EDEM1: variants seen among roughly 807,000 people sequenced by gnomAD.
EDEM1 encodes ER degradation enhancing alpha-mannosidase like protein 1, also known as ER degradation-enhancing alpha-mannosidase-like protein 1.
In EDEM1, 67 loss-of-function variants were observed where a neutral mutation model predicts 74.4. The observed-to-expected ratio is 0.90, with a 90% CI of 0.74 to 1.10. The LOEUF (loss-of-function observed/expected upper bound fraction) is 1.10, where lower values mean the gene tolerates loss of function less well. Ranked by LOEUF, EDEM1 falls within the 50% of genes least tolerant of loss-of-function variation. The probability of loss-of-function intolerance (pLI) is 0.00; values close to 1 mark genes in which losing one functional copy is unlikely to be tolerated. For synonymous variants in EDEM1, 382 were observed against 335.9 expected (o/e 1.14, Z -1.50); for missense variants, 926 against 851.6 (o/e 1.09, Z -1.09).
chr3:5,195,318 A>G (rs1369455997), intron 2 of EDEM1, 37 bp downstream of exon 2: 3 of 1,400,264 alleles, frequency 2.1e-6, no homozygotes, highest in African/African-American at 1.4e-5. Context: ...ATGAATTAAG[A>G]TGTTTTAGAG....
intron 4 of EDEM1, 93 bp from the exon 5 acceptor site, chr3:5,202,873 G>T: frequency 8.7e-7 from 1 of 1,153,396 alleles, no homozygotes; most frequent in East Asian, 2.5e-5. Flanking sequence ...GGTAAGCTTG[G>T]TTTATTAGCT....
In EDEM1 at chr3:5,197,739, G is replaced by T. The variant is rs550565169; in HGVS notation, c.583-1853G>T. Among the ~76,000 whole-genome samples the T allele has an allele frequency of 1.1e-3, 168 of 152,334 alleles. 1 individual carries two copies. Among genetic ancestry groups the T allele is most frequent in the African/African-American group, 3.8e-3 (158 of 41,584 alleles). On this transcript the variant is annotated intron_variant, in intron 2 of 11. Coordinates refer to ENST00000256497, the MANE Select transcript of EDEM1 (RefSeq NM_014674.3). ...AGATGTGCTAGGGAAACACTGTGAA[G>T]ATAGCAGTCCCCTGACCATTGGATG... is the stretch of plus-strand genomic sequence containing the variant.
chr3:5,203,133 T>A lies in EDEM1; in HGVS notation c.1026T>A (p.Asn342Lys). ...AVKALWNLRS[N>K]DTGLLGNVVN... Reference sequence around the variant, plus strand: ...AAGCCCTTTGGAACCTCCGGAGCAATGATACAGGATTACTAGGTGTGGCAC... The same window carrying A: ...AAGCCCTTTGGAACCTCCGGAGCAAAGATACAGGATTACTAGGTGTGGCAC... The change falls in exon 5 of 12, where the codon AAT (asparagine) becomes AAA (lysine). Residue 342 changes from asparagine (N) to lysine (K), a missense_variant. Transcript: ENST00000256497. The A allele has an allele frequency of 6.3e-7, 1 of 1,587,020 alleles. No individual in the cohort carries two copies. Among genetic ancestry groups the A allele is most frequent in the Non-Finnish European group, 8.6e-7 (1 of 1,167,976 alleles).
chr3:5,203,185 T>C (rs764447621), intron 5 of EDEM1, 36 bp downstream of exon 5: 9 of 1,493,108 alleles, frequency 6.0e-6, no homozygotes, highest in South Asian at 2.8e-5. Context: ...GACTGCACAC[T>C]GCTTGGTCCC....
chr3:5,214,381 C>T (rs573826697), intron 11 of EDEM1, among the ~76,000 whole-genome samples: 13 of 152,254 alleles, frequency 8.5e-5, no homozygotes, highest in East Asian at 5.8e-4. Flanking sequence ...AGTGCTTTTC[C>T]GTTAATGCCC....
chr3:5,213,357 C>G lies in EDEM1; in HGVS notation c.1719C>G (p.Thr573=). 6.2e-7 allele frequency: 1 copy of G among 1,613,990 alleles called. No individual in the cohort carries two copies. Among genetic ancestry groups the G allele is most frequent in the Non-Finnish European group, 8.5e-7 (1 of 1,179,952 alleles). Residue 573 remains threonine (T), a synonymous_variant, in exon 11 of 12, where the codon ACC becomes ACG. Transcript: ENST00000256497. ...ACAATCCAGTACACAAGTCTGGAAC[C>G]AGATACATGTTCACAACAGAGGGAC... ...DEDNPVHKSG[T]RYMFTTEGHI...
At chr3:5,193,309 C>A (rs531873420) in intron 1 of EDEM1, among the ~76,000 whole-genome samples, 1 of 152,150 alleles carries the variant, frequency 6.6e-6, no homozygotes, top group Non-Finnish European at 1.5e-5. Flanking sequence ...CAGAATTGGG[C>A]GTAAGGATCT....
At position 5,207,101 on chromosome 3, in the gene EDEM1, A is replaced by G. The variant is rs76485534; in HGVS notation, c.1218-52A>G. 3.7e-3 allele frequency: 6,014 copies of G among 1,604,046 alleles called. 18 individuals carry two copies. Among genetic ancestry groups the G allele is most frequent in the Non-Finnish European group, 4.7e-3 (5,486 of 1,175,730 alleles). ...ACCAGCAGCTGCTGGAGAGGTAGAG[A>G]TCTGTCAGTGAGCTTTCTTTTCACC... On this transcript the variant is annotated intron_variant, in intron 6 of 11. Coordinates refer to ENST00000256497, the MANE Select transcript of EDEM1 (RefSeq NM_014674.3).
At chr3:5,201,675 C>T in intron 3 of EDEM1, 78 bp from the exon 4 acceptor site, 1 of 1,554,522 alleles carries the variant, frequency 6.4e-7, no homozygotes, top group South Asian at 1.1e-5. Context: ...TATGAACATA[C>T]TTCTATCTTT....
chr3:5,199,639 C>T lies in EDEM1; in HGVS notation c.630C>T (p.Ile210=). 1 of 1,613,818 alleles carries T rather than the reference C, an allele frequency of 6.2e-7. No homozygotes were observed. Residue 210 remains isoleucine, a synonymous_variant, in exon 3 of 12, where the codon ATC becomes ATT. Coordinates refer to ENST00000256497, the MANE Select transcript of EDEM1 (RefSeq NM_014674.3). ...SEFQKAVKLV[I]NTVSFDKDST... is the part of the protein sequence containing the mutation. ...TCCAGAAAGCCGTCAAGTTAGTGAT[C>T]AACACAGTTTCATTTGACAAAGATT...
At chr3:5,208,058 G>A in intron 7 of EDEM1, 35 bp from the exon 8 acceptor site, 1 of 1,554,168 alleles carries the variant, frequency 6.4e-7, no homozygotes, top group African/African-American at 1.4e-5. Context: ...TCTAGGAATG[G>A]TATCTCAGCC....
chr3:5,216,041 T>C lies in EDEM1; in HGVS notation c.*123T>C. On this transcript the variant is annotated 3_prime_UTR_variant, in exon 12 of 12. Transcript: ENST00000256497. ...CTGTCCATGGTGGTGTAGGAATTTC[T>C]GTGCAACACCTCACCACGTCTGGTT... 2.7e-6 allele frequency: 2 copies of C among 734,558 alleles called. No homozygotes were observed. Among genetic ancestry groups the C allele is most frequent in the Non-Finnish European group, 4.5e-6 (2 of 440,706 alleles). 45.5% of individuals were successfully genotyped at this position (734,558 alleles called of 1,614,324 possible). A position where few individuals can be genotyped will look rare whatever the true frequency, so the allele number is the denominator to read the frequency against.
Position 5,203,099 on chromosome 3 carries a change from G to T in EDEM1, c.992G>T (p.Arg331Leu). 1 of 1,610,040 alleles carries T rather than the reference G, an allele frequency of 6.2e-7. No individual in the cohort carries two copies. ...GDSTFEWVAR[R>L]AVKALWNLRS... ...TCCACATTTGAGTGGGTGGCCAGAC[G>T]AGCAGTGAAAGCCCTTTGGAACCTC... Residue 331 changes from arginine to leucine, a missense_variant, in exon 5 of 12, where the codon CGA becomes CTA. Coordinates refer to ENST00000256497, the MANE Select transcript of EDEM1 (RefSeq NM_014674.3).
chr3:5,215,579 G>C, intron 11 of EDEM1, among the ~76,000 whole-genome samples: 1 of 152,244 alleles, frequency 6.6e-6, no homozygotes, highest in Middle Eastern at 3.4e-3. Context: ...TGCTCCTCAG[G>C]GAACATTGGA....
chr3:5,217,771 T>C lies in EDEM1; in HGVS notation c.*1853T>C, dbSNP rs1322637360. On this transcript the variant is annotated 3_prime_UTR_variant, in exon 12 of 12. Transcript: ENST00000256497. ...ATATATATATATATTTTAAATGTTTTCACTGACTCATTGAAAATGTTAATT... is the reference window on the plus strand; with the variant it reads ...ATATATATATATATTTTAAATGTTTCCACTGACTCATTGAAAATGTTAATT... 6.6e-6 allele frequency: 1 copy of C among 152,216 alleles called. No individual in the cohort carries two copies. The highest frequency in any genetic ancestry group is 1.5e-5 in the Non-Finnish European group (1 of 68,034). The allele number at this position is 152,216 out of a possible 1,614,324, so 9.4% of individuals were successfully genotyped here.
rs773435974 is a variant in EDEM1, at chr3:5,199,709, T to C, written c.686+14T>C. 1.3e-6 allele frequency: 2 copies of C among 1,594,692 alleles called. No individual in the cohort carries two copies. Among genetic ancestry groups the C allele is most frequent in the East Asian group, 4.5e-5 (2 of 44,780 alleles). On this transcript the variant is annotated intron_variant, in intron 3 of 11. Coordinates refer to ENST00000256497, the MANE Select transcript of EDEM1 (RefSeq NM_014674.3). ...GGCCACGATAAGGTAAAATAATGAA[T>C]ATTCATAAAATGAATTGGAGACTTC...
intron 3 of EDEM1, among the ~76,000 whole-genome samples, chr3:5,201,088 A>C (rs1209270602): frequency 6.6e-6 from 1 of 151,674 alleles, no homozygotes; most frequent in Non-Finnish European, 1.5e-5. Context: ...TGTTTTCCCC[A>C]AGTGAAATAA....
Position 5,213,443 on chromosome 3 carries a change from A to AGG in EDEM1, c.1807_1808dup (p.Gly604GlufsTer18). On this transcript the variant is annotated frameshift_variant, in exon 11 of 12. Transcript: ENST00000256497. LOFTEE classifies it high-confidence loss of function. ...CCATGGAAGGAATTCTTCTCTGAAG[A>AGG]GGGAGGGCAGGACCAAGGGGGAAAG... 1 of 1,614,206 alleles carries AGG rather than the reference A, an allele frequency of 6.2e-7. No homozygotes were observed. Among genetic ancestry groups the AGG allele is most frequent in the Non-Finnish European group, 8.5e-7 (1 of 1,180,032 alleles).
At chr3:5,195,183 T>C in intron 1 of EDEM1, 26 bp from the exon 2 acceptor site, 1 of 1,368,304 alleles carries the variant, frequency 7.3e-7, no homozygotes, top group Non-Finnish European at 9.8e-7. Flanking sequence ...AAAGTCTTTT[T>C]GTTGAATTTT....
Sources: gnomAD v4.1 joint callset for allele counts (sites outside exome capture counted in the v4.1 genomes callset) on GRCh38, gnomAD v4.1.1 for gene constraint, MANE v1.5 for transcripts, NCBI Gene and HGNC (gene_info 2026-07-23, HGNC 2026-07-21) for gene names.